The following ALG6 variants were observed in gnomAD, a reference collection of about 807,000 sequenced individuals.
The protein encoded by ALG6 is ALG6 alpha-1,3-glucosyltransferase.
A neutral mutation model predicts 66.6 loss-of-function variants in ALG6; 46 were observed. The observed-to-expected ratio is 0.69, with a 90% CI of 0.55 to 0.88. The LOEUF is 0.88. Ranked by LOEUF, ALG6 falls within the 40% of genes least tolerant of loss-of-function variation. ALG6 has a pLI of 0.00. For missense variants in ALG6, 505 were observed against 586.8 expected (o/e 0.86, Z 1.44); for synonymous variants, 185 against 203.7 (o/e 0.91, Z 0.78).
At chr1:63,374,585 G>T (rs529050322) in intron 2 of ALG6, among the ~76,000 whole-genome samples, 1 of 151,348 alleles carries the variant, frequency 6.6e-6, no homozygotes, top group African/African-American at 2.4e-5. Flanking sequence ...CCGAGATCAC[G>T]CCACTGCACC....
At chr1:63,385,361 G>A (rs912548364) in intron 2 of ALG6, among the ~76,000 whole-genome samples, 2 of 151,432 alleles carry the variant, frequency 1.3e-5, no homozygotes, top group African/African-American at 2.4e-5. Context: ...CACCATGCCC[G>A]ACAAATTTTT....
At chr1:63,405,593 CTT>C (rs531265733) in intron 5 of ALG6, among the ~76,000 whole-genome samples, 98 of 152,086 alleles carry the variant, frequency 6.4e-4, no homozygotes, top group Non-Finnish European at 1.1e-3. Flanking sequence ...TCTCGCCACT[CTT>C]TTGGGTGTGT....
At position 63,436,943 on chromosome 1, in the gene ALG6, C is replaced by G. The variant is rs1644682428; in HGVS notation, c.1447C>G (p.Leu483Val). The change falls in exon 15 of 15, where the codon CTG (leucine) becomes GTG (valine). Residue 483 changes from leucine to valine, a missense_variant. Coordinates refer to ENST00000263440, the MANE Select transcript of ALG6 (RefSeq NM_013339.4). ...LVCFVSCLNF[L>V]FFLVYFNIII... is the part of the protein sequence containing the mutation. ...GTGTTTTGTATCTTGCTTGAACTTCCTGTTCTTCTTGGTATACTTTAACAT... is the reference window on the plus strand; with the variant it reads ...GTGTTTTGTATCTTGCTTGAACTTCGTGTTCTTCTTGGTATACTTTAACAT... 6.2e-7 allele frequency: 1 copy of G among 1,613,660 alleles called. No homozygotes were observed. Among genetic ancestry groups the G allele is most frequent in the African/African-American group, 1.3e-5 (1 of 74,900 alleles).
At chr1:63,425,857 G>A (rs981160504) in intron 12 of ALG6, among the ~76,000 whole-genome samples, 6 of 152,122 alleles carry the variant, frequency 3.9e-5, no homozygotes, top group Admixed American at 2.6e-4. Flanking sequence ...CCATCGAAGC[G>A]ATGAGGGAAA....
At chr1:63,430,537 A>G (rs1644640758) in intron 14 of ALG6, among the ~76,000 whole-genome samples, 1 of 152,164 alleles carries the variant, frequency 6.6e-6, no homozygotes, top group African/African-American at 2.4e-5. Flanking sequence ...GAGGGTTCTA[A>G]TTTCTTCACA....
intron 12 of ALG6, among the ~76,000 whole-genome samples, chr1:63,427,357 A>G (rs900830185): frequency 1.1e-4 from 17 of 152,014 alleles, no homozygotes; most frequent in Admixed American, 1.1e-3. Flanking sequence ...CCCAGGGTTT[A>G]AATCTCATAT....
chr1:63,415,588 A>G lies in ALG6; in HGVS notation c.903-285A>G, dbSNP rs374052910. Among the ~76,000 whole-genome samples, 12 of 152,118 alleles carry G rather than the reference A, an allele frequency of 7.9e-5. 1 individual carries two copies. The highest frequency in any genetic ancestry group is 2.9e-4 in the African/African-American group (12 of 41,516). ...GACCTTCAACTATGTATCTTTGTATATTTTCTATACATGATATTAAATACT... is the reference window on the plus strand; with the variant it reads ...GACCTTCAACTATGTATCTTTGTATGTTTTCTATACATGATATTAAATACT... On this transcript the variant is annotated intron_variant, in intron 10 of 14. Coordinates refer to ENST00000263440, the MANE Select transcript of ALG6 (RefSeq NM_013339.4).
At position 63,397,023 on chromosome 1, in the gene ALG6, G is replaced by A. The variant is rs146060625; in HGVS notation, c.167+426G>A. On this transcript the variant is annotated intron_variant, in intron 3 of 14. Transcript: ENST00000263440. ...GCTGAATTTGCAGATCTGAAAAGGGGACCAAAGGGAGAAGCCTACAATGAT... is the reference window on the plus strand; with the variant it reads ...GCTGAATTTGCAGATCTGAAAAGGGAACCAAAGGGAGAAGCCTACAATGAT... Among the ~76,000 whole-genome samples the A allele has an allele frequency of 3.9e-3, 599 of 152,146 alleles. 4 individuals are homozygous for A. The highest frequency in any genetic ancestry group is 0.013 in the African/African-American group (547 of 41,498).
chr1:63,412,019 G>A lies in ALG6; in HGVS notation c.774G>A (p.Gln258=). The A allele has an allele frequency of 2.5e-6, 4 of 1,614,084 alleles. No individual in the cohort carries two copies. The African/African-American group carries it at 4.0e-5, about 16-fold the overall frequency. Reference sequence around the variant, plus strand: ...TTACAGAAAGGGAACAAACCCTGCAGGTTCTAAGAAGACTCTTCCCGGTTG... The same window carrying A: ...TTACAGAAAGGGAACAAACCCTGCAAGTTCTAAGAAGACTCTTCCCGGTTG... The part of the protein sequence containing the change: ...PFFTEREQTL[Q]VLRRLFPVDR... The change falls in exon 9 of 15, where the codon CAG becomes CAA. Residue 258 remains glutamine, a synonymous_variant. Coordinates refer to ENST00000263440, the MANE Select transcript of ALG6 (RefSeq NM_013339.4).
At chr1:63,413,956 G>GT (rs957583341) in intron 9 of ALG6, 105 bp from the exon 10 acceptor site, 1 of 803,102 alleles carries the variant, frequency 1.2e-6, no homozygotes, top group Non-Finnish European at 2.1e-6. Flanking sequence ...GTGACTAAAA[G>GT]TTTCACATCT....
intron 2 of ALG6, 98 bp downstream of exon 2, chr1:63,371,157 G>T: frequency 3.8e-6 from 3 of 794,166 alleles, no homozygotes; most frequent in Non-Finnish European, 6.5e-6. Context: ...GTACAGAGAA[G>T]AATTTCAGGC....
At chr1:63,425,116 C>T (rs1205905159) in intron 12 of ALG6, among the ~76,000 whole-genome samples, 1 of 152,080 alleles carries the variant, frequency 6.6e-6, no homozygotes, top group African/African-American at 2.4e-5. Flanking sequence ...GTAGACTGTT[C>T]TTCAGAGGAG....
intron 14 of ALG6, 130 bp from the exon 15 acceptor site, chr1:63,436,692 GA>G: frequency 1.2e-6 from 1 of 867,338 alleles, no homozygotes; most frequent in East Asian, 2.6e-5. Flanking sequence ...TCAAAGTTGA[GA>G]TACACCAGAA....
chr1:63,425,706 A>G (rs4430363), intron 12 of ALG6, among the ~76,000 whole-genome samples: 90,660 of 152,040 alleles, frequency 0.6, 28,555 homozygotes, highest in African/African-American at 0.79. Flanking sequence ...TGGAGTAAGC[A>G]CTGGTGGAGA....
chr1:63,389,993 G>A (rs936574685), intron 2 of ALG6, among the ~76,000 whole-genome samples: 2 of 152,186 alleles, frequency 1.3e-5, no homozygotes, highest in African/African-American at 2.4e-5. Context: ...AAAAGTACCC[G>A]TGTGGCCATC....
chr1:63,406,483 C>A, intron 6 of ALG6, 84 bp downstream of exon 6: 1 of 1,220,046 alleles, frequency 8.2e-7, no homozygotes, highest in Non-Finnish European at 1.2e-6. Context: ...TTAGAGAAGC[C>A]ATGCTTTTGG....
intron 14 of ALG6, among the ~76,000 whole-genome samples, chr1:63,432,742 A>T (rs1644653814): frequency 6.6e-6 from 1 of 152,144 alleles, no homozygotes; most frequent in South Asian, 2.1e-4. Context: ...AGCTCCACGG[A>T]ATATTTGACA....
At chr1:63,432,310 G>C (rs1032770178) in intron 14 of ALG6, among the ~76,000 whole-genome samples, 3 of 146,110 alleles carry the variant, frequency 2.1e-5, no homozygotes, top group Non-Finnish European at 4.5e-5. Flanking sequence ...ATTGATTTTT[G>C]TATGTTACAC....
intron 14 of ALG6, among the ~76,000 whole-genome samples, chr1:63,432,039 T>C (rs1032678319): frequency 3.9e-5 from 6 of 152,170 alleles, no homozygotes; most frequent in Non-Finnish European, 5.9e-5. Context: ...TAAGACAGTG[T>C]TGAATACAGG....
Sources: allele counts gnomAD v4.1 joint callset (sites outside exome capture counted in the v4.1 genomes callset), GRCh38; gene constraint gnomAD v4.1.1; transcripts MANE v1.5; gene names NCBI Gene and HGNC (gene_info 2026-07-23, HGNC 2026-07-21).